Variants in VWA2 observed in about 807,000 individuals in gnomAD.
The protein encoded by VWA2 is von Willebrand factor A domain containing 2, also known as von Willebrand factor A domain-containing protein 2.
In VWA2, 73 loss-of-function variants were observed where a neutral mutation model predicts 70.4. The observed-to-expected ratio is 1.04, with a 90% CI of 0.86 to 1.26. VWA2 has a LOEUF of 1.26. Among genes scored for constraint, VWA2 ranks in the 50% most tolerant of loss-of-function variants. The pLI, the probability that VWA2 is intolerant of heterozygous loss-of-function variation, is 0.00. For synonymous variants in VWA2, 407 were observed against 423.3 expected (o/e 0.96, Z 0.47); for missense variants, 1,011 against 998.5 (o/e 1.01, Z -0.17).
At position 114,239,316 on chromosome 10, in the gene VWA2, T is replaced by C. The variant is rs1036589864; in HGVS notation, c.-264T>C. The C allele has an allele frequency of 5.9e-5, 9 of 152,288 alleles. No homozygotes were observed. Among genetic ancestry groups the C allele is most frequent in the African/African-American group, 2.2e-4 (9 of 41,478 alleles). The allele number at this position is 152,288 out of a possible 1,614,324, so 9.4% of individuals were successfully genotyped here. A position where few individuals can be genotyped will look rare whatever the true frequency, so the allele number is the denominator to read the frequency against. The stretch of plus-strand genomic sequence containing the variant: ...CCCGCGTAGAAGTGAAGTACTTTTT[T>C]ATTTGCAGACCTGGGCCGATGCCGC... On this transcript the variant is annotated 5_prime_UTR_variant, in exon 1 of 14. Coordinates refer to ENST00000392982, the MANE Select transcript of VWA2 (RefSeq NM_001272046.2).
intron 8 of VWA2, among the ~76,000 whole-genome samples, chr10:114,282,124 A>G (rs1364295753): frequency 1.3e-5 from 2 of 149,966 alleles, no homozygotes; most frequent in Non-Finnish European, 3.0e-5. Flanking sequence ...TTTCTGCCTC[A>G]GCCTGCTAAG....
At chr10:114,251,818 T>TC (rs2037201904) in intron 2 of VWA2, among the ~76,000 whole-genome samples, 1 of 137,716 alleles carries the variant, frequency 7.3e-6, no homozygotes. Context: ...AGAAAACCTG[T>TC]AATTTTTTTT....
At chr10:114,264,578 C>A (rs368482837) in intron 5 of VWA2, among the ~76,000 whole-genome samples, 13 of 151,358 alleles carry the variant, frequency 8.6e-5, no homozygotes, top group African/African-American at 3.2e-4. Flanking sequence ...CCACCACGCC[C>A]GGCTAATTTT....
chr10:114,245,912 G>A (rs1209749835), intron 1 of VWA2, among the ~76,000 whole-genome samples: 1 of 152,190 alleles, frequency 6.6e-6, no homozygotes, highest in Non-Finnish European at 1.5e-5. Flanking sequence ...AATCCAAGGA[G>A]CTCTATAGAC....
At chr10:114,270,043 T>A (rs1294210335) in intron 5 of VWA2, among the ~76,000 whole-genome samples, 4 of 152,244 alleles carry the variant, frequency 2.6e-5, no homozygotes, top group African/African-American at 9.6e-5. Flanking sequence ...GGTCTCTGTG[T>A]AGACAGTACC....
At chr10:114,254,786 C>T (rs1031853879) in intron 3 of VWA2, 129 bp from the exon 4 acceptor site, 19 of 1,264,060 alleles carry the variant, frequency 1.5e-5, no homozygotes, top group South Asian at 2.8e-5. Context: ...GCTGCTTCTG[C>T]AGTTCTCCCC....
rs1385811277 is a variant in VWA2, at chr10:114,271,607, A to AC, written c.372-1133_372-1132insC. 5.0e-3 allele frequency among the ~76,000 whole-genome samples: 718 copies of AC among 145,004 alleles called. 3 individuals carry two copies. The highest frequency in any genetic ancestry group is 0.017 in the African/African-American group (656 of 37,912). ...CATGTCAGACTTGCATGAGAAGTAA[A>AC]AACACACACACACACACACACACAC... is the stretch of plus-strand genomic sequence containing the variant. On this transcript the variant is annotated intron_variant, in intron 5 of 13. Transcript: ENST00000392982.
At chr10:114,276,031 T>C (rs906480098) in intron 6 of VWA2, among the ~76,000 whole-genome samples, 1 of 152,266 alleles carries the variant, frequency 6.6e-6, no homozygotes, top group Admixed American at 6.5e-5. Context: ...GTCTCATCGC[T>C]GTCCAGTTAG....
At position 114,290,384 on chromosome 10, in the gene VWA2, C is replaced by G; in HGVS notation, c.2248+19C>G. On this transcript the variant is annotated intron_variant, in intron 13 of 13. Transcript: ENST00000392982. ...GAGAACCGTGAGTGGAGCTCTTGCT[C>G]TGTATGTGTGAGCCAGGGATGGTAT... 1 of 1,550,176 alleles carries G rather than the reference C, an allele frequency of 6.5e-7. No individual in the cohort carries two copies. The highest frequency in any genetic ancestry group is 8.7e-7 in the Non-Finnish European group (1 of 1,146,770).
intron 5 of VWA2, among the ~76,000 whole-genome samples, chr10:114,268,066 A>G (rs2133349169): frequency 6.6e-6 from 1 of 152,198 alleles, no homozygotes; most frequent in East Asian, 1.9e-4. Flanking sequence ...CTCTAACAAT[A>G]CTATTTCTTT....
chr10:114,240,002 C>T (rs1441167112), intron 1 of VWA2, among the ~76,000 whole-genome samples: 5 of 152,156 alleles, frequency 3.3e-5, no homozygotes, highest in African/African-American at 1.2e-4. Context: ...TGAATAAAGG[C>T]TTTGGTGACA....
intron 11 of VWA2, among the ~76,000 whole-genome samples, chr10:114,287,994 T>C (rs2039117270): frequency 6.6e-6 from 1 of 152,096 alleles, no homozygotes; most frequent in Non-Finnish European, 1.5e-5. Context: ...GGTGTGGGAG[T>C]GGTTTTAAAA....
At position 114,253,718 on chromosome 10, in the gene VWA2, C is replaced by T. The variant is rs1160039537; in HGVS notation, c.120C>T (p.Ala40=). Residue 40 remains alanine, a synonymous_variant, in exon 3 of 14, where the codon GCC becomes GCT. Transcript: ENST00000392982. ...SKETIGKISA[A]SKMMWCSAAV... ...AAACCATCGGGAAGATTTCAGCTGC[C>T]AGCAAAAGTAAGCCCAGGTTCTTCT... is the stretch of plus-strand genomic sequence containing the variant. 1 of 1,612,274 alleles carries T rather than the reference C, an allele frequency of 6.2e-7. No individual in the cohort carries two copies. The highest frequency in any genetic ancestry group is 1.1e-5 in the South Asian group (1 of 90,998).
chr10:114,246,362 G>A lies in VWA2; in HGVS notation c.-10-2342G>A, dbSNP rs149800040. On this transcript the variant is annotated intron_variant, in intron 1 of 13. Transcript: ENST00000392982. ...CTAAAAATACAAAAATTAGCTGGGCGTGGTGGCGCATGCCTGTAATCCCAG... is the reference window on the plus strand; with the variant it reads ...CTAAAAATACAAAAATTAGCTGGGCATGGTGGCGCATGCCTGTAATCCCAG... 1.4e-3 allele frequency: 800 copies of A among 589,880 alleles called. 7 individuals are homozygous for A. The highest frequency in any genetic ancestry group is 0.012 in the African/African-American group (659 of 53,798). 36.5% of individuals were successfully genotyped at this position (589,880 alleles called of 1,614,324 possible).
At chr10:114,274,366 A>C (rs1328274724) in intron 6 of VWA2, among the ~76,000 whole-genome samples, 2 of 152,152 alleles carry the variant, frequency 1.3e-5, no homozygotes. Flanking sequence ...GGGAGAGGAA[A>C]TAGTAAGGGG....
chr10:114,281,678 T>C, intron 8 of VWA2: 2 of 961,924 alleles, frequency 2.1e-6, no homozygotes, highest in Non-Finnish European at 2.5e-6. Flanking sequence ...GTGGACCAGA[T>C]AGTAGCAGCA....
chr10:114,246,528 A>AAAAAAAAAAAAAAAAAAAGT, intron 1 of VWA2: 2 of 735,250 alleles, frequency 2.7e-6, no homozygotes, highest in Non-Finnish European at 4.5e-6. Flanking sequence ...AAAAAAAACG[A>AAAAAAAAAAAAAAAAAAAGT]GTATCATGGG....
At chr10:114,259,575 A>C (rs548017251) in intron 4 of VWA2, among the ~76,000 whole-genome samples, 9 of 152,168 alleles carry the variant, frequency 5.9e-5, no homozygotes, top group South Asian at 2.1e-4. Context: ...AATTTTAGAA[A>C]TTCTCCTGAG....
intron 5 of VWA2, among the ~76,000 whole-genome samples, chr10:114,266,090 T>G (rs1386377385): frequency 1.3e-5 from 2 of 152,038 alleles, no homozygotes; most frequent in Admixed American, 6.5e-5. Flanking sequence ...GAGGTCGGGA[T>G]ATCGAGACCA....
Sources: gnomAD v4.1 joint callset for allele counts (sites outside exome capture counted in the v4.1 genomes callset) on GRCh38, gnomAD v4.1.1 for gene constraint, MANE v1.5 for transcripts, NCBI Gene and HGNC (gene_info 2026-07-23, HGNC 2026-07-21) for gene names.